The following WDR41 variants were observed in gnomAD, a reference collection of about 807,000 sequenced individuals.
WDR41 encodes WD repeat-containing protein 41.
Under a neutral mutation model 69.3 loss-of-function variants are expected in WDR41, and 63 were observed. The observed-to-expected ratio is 0.91, with a 90% CI of 0.74 to 1.12. The LOEUF is 1.12. Ranked by LOEUF, WDR41 falls within the 50% of genes most tolerant of loss-of-function variation. The probability of loss-of-function intolerance (pLI) is 0.00; values close to 1 mark genes in which losing one functional copy is unlikely to be tolerated. For synonymous variants in WDR41, 185 were observed against 192.1 expected (o/e 0.96, Z 0.31); for missense variants, 543 against 534.5 (o/e 1.02, Z -0.16).
At chr5:77,506,685 C>T (rs894592642) in intron 1 of WDR41, among the ~76,000 whole-genome samples, 13 of 152,208 alleles carry the variant, frequency 8.5e-5, no homozygotes, top group African/African-American at 3.1e-4. Flanking sequence ...GGCACATATA[C>T]ACCATGGAAT....
intron 1 of WDR41, among the ~76,000 whole-genome samples, chr5:77,505,575 C>A (rs1802092841): frequency 6.6e-6 from 1 of 152,104 alleles, no homozygotes. Flanking sequence ...GCCCACATTG[C>A]CAAGACAATC....
intron 1 of WDR41, among the ~76,000 whole-genome samples, chr5:77,507,801 T>C (rs997671830): frequency 6.6e-6 from 1 of 152,220 alleles, no homozygotes; most frequent in Non-Finnish European, 1.5e-5. Flanking sequence ...TAATGAAATT[T>C]AGGAAGTTTC....
At chr5:77,608,678 A>G (rs1744476072) in intron 1 of WDR41, among the ~76,000 whole-genome samples, 1 of 152,196 alleles carries the variant, frequency 6.6e-6, no homozygotes, top group African/African-American at 2.4e-5. Flanking sequence ...AGATTTCGCA[A>G]GAAGGCCAAA....
chr5:77,585,561 G>A lies in WDR41; in HGVS notation c.42+34918C>T, dbSNP rs527507196. Among the ~76,000 whole-genome samples the A allele has an allele frequency of 1.6e-3, 236 of 152,230 alleles. 2 individuals carry two copies. Among genetic ancestry groups the A allele is most frequent in the African/African-American group, 5.5e-3 (229 of 41,548 alleles). On this transcript the variant is annotated intron_variant, in intron 1 of 5. Coordinates refer to the WDR41 transcript ENST00000509971. The stretch of plus-strand genomic sequence containing the variant: ...CAGCACAATTCACAATCGCAAAATC[G>A]TGGAACCAACCCAAATGCCCATCAA...
intron 7 of WDR41, among the ~76,000 whole-genome samples, chr5:77,450,758 C>T (rs149132215): frequency 6.6e-6 from 1 of 152,178 alleles, no homozygotes; most frequent in Non-Finnish European, 1.5e-5. Context: ...TGAGAAGTGA[C>T]AAGTCTCTGA....
chr5:77,565,636 C>T (rs1743611342), intron 1 of WDR41, among the ~76,000 whole-genome samples: 1 of 151,898 alleles, frequency 6.6e-6, no homozygotes, highest in African/African-American at 2.4e-5. Flanking sequence ...AGATTCCTTC[C>T]CCATCTACCC....
At chr5:77,478,553 AAACAG>A (rs1255270686) in intron 2 of WDR41, among the ~76,000 whole-genome samples, 4 of 152,204 alleles carry the variant, frequency 2.6e-5, no homozygotes, top group Non-Finnish European at 4.4e-5. Flanking sequence ...TCCATCATAT[AAACAG>A]AACCAAAGAC....
intron 1 of WDR41, among the ~76,000 whole-genome samples, chr5:77,529,303 G>T (rs1174435869): frequency 1.3e-5 from 2 of 150,898 alleles, no homozygotes; most frequent in Admixed American, 1.3e-4. Flanking sequence ...AAGCAAACAA[G>T]AATAAATCTA....
chr5:77,433,238 T>C lies in WDR41; in HGVS notation c.1277A>G (p.His426Arg). ...TCCATTTTTCCACAAAATAATGAGA[T>C]GATCAGCGGAGCACGTCACTAGTCC... ...DHGLVTCSADHLIILWKNGER... is the reference protein window; with the variant it reads ...DHGLVTCSADRLIILWKNGER... The change falls in exon 13 of 13, where the codon CAT becomes CGT. Residue 426 changes from histidine to arginine, a missense_variant. Coordinates refer to ENST00000296679, the MANE Select transcript of WDR41 (RefSeq NM_018268.4). The C allele has an allele frequency of 6.2e-7, 1 of 1,613,918 alleles. No individual in the cohort carries two copies. Among genetic ancestry groups the C allele is most frequent in the Non-Finnish European group, 8.5e-7 (1 of 1,179,864 alleles).
intron 1 of WDR41, among the ~76,000 whole-genome samples, chr5:77,614,779 C>T (rs1056701537): frequency 7.3e-5 from 11 of 150,160 alleles, no homozygotes; most frequent in Non-Finnish European, 1.5e-4. Context: ...GCACATGTAC[C>T]CTAAAACTTA....
At chr5:77,482,015 G>A (rs905301252) in intron 2 of WDR41, among the ~76,000 whole-genome samples, 1 of 151,980 alleles carries the variant, frequency 6.6e-6, no homozygotes, top group Non-Finnish European at 1.5e-5. Flanking sequence ...TTTTAAATTG[G>A]CATTTTTATT....
At position 77,492,245 on chromosome 5, in the gene WDR41, G is replaced by C. The variant is rs773872429; in HGVS notation, c.-25C>G. The C allele has an allele frequency of 6.2e-7, 1 of 1,611,460 alleles. No homozygotes were observed. Among genetic ancestry groups the C allele is most frequent in the East Asian group, 2.2e-5 (1 of 44,780 alleles). Reference sequence around the variant, plus strand: ...TCCGGGCAGCGGCGGCGTCTTGCCCGGTCCAGCCCCAGTCAGCCCAAACTC... The same window carrying C: ...TCCGGGCAGCGGCGGCGTCTTGCCCCGTCCAGCCCCAGTCAGCCCAAACTC... On this transcript the variant is annotated 5_prime_UTR_variant, in exon 1 of 13. Coordinates refer to ENST00000296679, the MANE Select transcript of WDR41 (RefSeq NM_018268.4).
chr5:77,606,746 CAA>C lies in WDR41; in HGVS notation c.42+13731_42+13732del, dbSNP rs1163446021. The stretch of plus-strand genomic sequence containing the variant: ...TGAGACCAGGAGTTTGAGGCTGCAC[CAA>C]GCCATGATTGTGCCACTGCATTCCA... On this transcript the variant is annotated intron_variant, in intron 1 of 5. Coordinates refer to the WDR41 transcript ENST00000509971. Among the ~76,000 whole-genome samples the C allele has an allele frequency of 7.1e-4, 108 of 151,828 alleles. No individual in the cohort carries two copies. In the East Asian group the frequency reaches 0.017, roughly 23 times the overall value.
intron 1 of WDR41, among the ~76,000 whole-genome samples, chr5:77,548,589 C>G (rs781740845): frequency 3.3e-5 from 5 of 152,180 alleles, no homozygotes; most frequent in Non-Finnish European, 7.4e-5. Context: ...TACCATCTTA[C>G]TTCTGCTAGA....
At chr5:77,582,482 A>G (rs1554037658) in intron 1 of WDR41, 1 of 1,601,442 alleles carries the variant, frequency 6.2e-7, no homozygotes, top group Non-Finnish European at 8.5e-7. Flanking sequence ...CTGAGAAAGA[A>G]GTTTGCCCAA....
At chr5:77,513,137 C>T (rs1218759537) in intron 1 of WDR41, among the ~76,000 whole-genome samples, 1 of 152,110 alleles carries the variant, frequency 6.6e-6, no homozygotes, top group Non-Finnish European at 1.5e-5. Flanking sequence ...TTGGGATAAA[C>T]TATATGGCAC....
chr5:77,591,883 T>C (rs1408717462), intron 1 of WDR41, among the ~76,000 whole-genome samples: 1 of 152,160 alleles, frequency 6.6e-6, no homozygotes, highest in Non-Finnish European at 1.5e-5. Context: ...ATACTGATTG[T>C]AATTATATCA....
intron 1 of WDR41, among the ~76,000 whole-genome samples, chr5:77,576,313 C>A (rs1056774199): frequency 5.9e-5 from 9 of 152,064 alleles, no homozygotes; most frequent in South Asian, 2.1e-4. Flanking sequence ...CCCCCTCAAC[C>A]TGACACCCCT....
Position 77,433,260 on chromosome 5 carries a change from G to C in WDR41, c.1255C>G (p.Leu419Val). The change falls in exon 13 of 13, where the codon CTA (leucine) becomes GTA (valine). Residue 419 changes from leucine (L) to valine (V), a missense_variant. Coordinates refer to ENST00000296679, the MANE Select transcript of WDR41 (RefSeq NM_018268.4). ...AGATGATCAGCGGAGCACGTCACTA[G>C]TCCATGATCTTCAAAGTATAGAAAC... ...EMFLYFEDHG[L>V]VTCSADHLII... 6.2e-7 allele frequency: 1 copy of C among 1,612,876 alleles called. No individual in the cohort carries two copies. The highest frequency in any genetic ancestry group is 8.5e-7 in the Non-Finnish European group (1 of 1,179,692).
Sources: allele counts gnomAD v4.1 joint callset (sites outside exome capture counted in the v4.1 genomes callset), GRCh38; gene constraint gnomAD v4.1.1; transcripts MANE v1.5; gene names NCBI Gene and HGNC (gene_info 2026-07-23, HGNC 2026-07-21).